KLHL1: variants seen among roughly 807,000 people sequenced by gnomAD.
KLHL1 encodes kelch-like protein 1.
A neutral mutation model predicts 77.7 loss-of-function variants in KLHL1; 47 were observed. That is an observed-to-expected ratio of 0.60 (90% CI 0.48 to 0.77). The LOEUF is 0.77. KLHL1 is among the 30% of genes least tolerant of loss of function. The pLI is 0.00. For synonymous variants in KLHL1, 360 were observed against 325.2 expected, an observed-to-expected ratio of 1.11 and a Z score of -1.15; for missense variants, 925 against 910.8, an observed-to-expected ratio of 1.02 and a Z score of -0.20.
intron 1 of KLHL1, among the ~76,000 whole-genome samples, chr13:70,106,681 C>G (rs1342531366): frequency 6.6e-6 from 1 of 152,128 alleles, no homozygotes; most frequent in East Asian, 1.9e-4. Flanking sequence ...GACTGCATTT[C>G]AGGAGCAAAA....
At chr13:69,943,677 ATAAAGT>A (rs1883433384) in intron 3 of KLHL1, among the ~76,000 whole-genome samples, 1 of 140,544 alleles carries the variant, frequency 7.1e-6, no homozygotes, top group Admixed American at 7.5e-5. Context: ...TGTTATAAAA[ATAAAGT>A]TAAAATAGAG....
chr13:69,748,074 T>C (rs1057021986), intron 7 of KLHL1, among the ~76,000 whole-genome samples: 7 of 152,014 alleles, frequency 4.6e-5, no homozygotes, highest in Non-Finnish European at 1.0e-4. Context: ...GCCTATATTC[T>C]AGAGGAGAAT....
At chr13:69,813,571 A>T (rs1177925829) in intron 6 of KLHL1, among the ~76,000 whole-genome samples, 1 of 152,068 alleles carries the variant, frequency 6.6e-6, no homozygotes, top group African/African-American at 2.4e-5. Context: ...TGCAGAATCA[A>T]TGTACAAGAA....
chr13:69,833,856 T>TAC (rs35739445), intron 6 of KLHL1, among the ~76,000 whole-genome samples: 1,988 of 144,006 alleles, frequency 0.014, 14 homozygotes, highest in Middle Eastern at 0.074. Context: ...CACACATATA[T>TAC]ACACACACAC....
chr13:69,964,100 G>A (rs9572318), intron 2 of KLHL1, among the ~76,000 whole-genome samples: 93,803 of 151,846 alleles, frequency 0.62, 29,050 homozygotes, highest in South Asian at 0.65. Context: ...CTGGAGTCCA[G>A]TGGCACAATC....
intron 4 of KLHL1, among the ~76,000 whole-genome samples, chr13:69,929,434 T>C (rs1371058911): frequency 6.6e-6 from 1 of 151,892 alleles, no homozygotes; most frequent in African/African-American, 2.4e-5. Context: ...AGTAAAAACA[T>C]ATTCAGGGTA....
chr13:69,999,397 G>T (rs560205905), intron 1 of KLHL1, among the ~76,000 whole-genome samples: 1 of 151,970 alleles, frequency 6.6e-6, no homozygotes. Flanking sequence ...TTATGCATGG[G>T]CCTGGCATCA....
chr13:69,736,455 G>A (rs1041131108), intron 8 of KLHL1, among the ~76,000 whole-genome samples: 2 of 152,086 alleles, frequency 1.3e-5, no homozygotes, highest in Non-Finnish European at 2.9e-5. Context: ...ATGTAAACTA[G>A]TACAACTTCT....
intron 7 of KLHL1, among the ~76,000 whole-genome samples, chr13:69,744,967 C>G (rs1874143906): frequency 6.6e-6 from 1 of 151,786 alleles, no homozygotes; most frequent in African/African-American, 2.4e-5. Context: ...GTTCATTTTA[C>G]CCAGATGTAA....
chr13:69,959,293 T>A (rs926527710), intron 3 of KLHL1, among the ~76,000 whole-genome samples: 4 of 151,976 alleles, frequency 2.6e-5, no homozygotes, highest in Non-Finnish European at 5.9e-5. Flanking sequence ...CCTGGAAGTG[T>A]TAGGTTGTTA....
rs137877987 is a variant in KLHL1, at chr13:69,844,505, G to A, written c.1228-5343C>T. Among the ~76,000 whole-genome samples the A allele has an allele frequency of 8.9e-4, 134 of 151,374 alleles. 2 individuals carry two copies. Among genetic ancestry groups the A allele is most frequent in the African/African-American group, 3.1e-3 (129 of 41,384 alleles). Reference sequence around the variant, plus strand: ...ACACCATAGCTTGTGTTTGCATTTCGTCTCTGACAACTCTAATGACTTCAT... The same window carrying A: ...ACACCATAGCTTGTGTTTGCATTTCATCTCTGACAACTCTAATGACTTCAT... On this transcript the variant is annotated intron_variant, in intron 5 of 10. Transcript: ENST00000377844.
intron 3 of KLHL1, among the ~76,000 whole-genome samples, chr13:69,946,382 A>T (rs1363654313): frequency 1.3e-5 from 2 of 152,234 alleles, no homozygotes; most frequent in African/African-American, 4.8e-5. Context: ...TTTTCAAAAT[A>T]TATTTAATAA....
In KLHL1 at chr13:69,740,692, T is replaced by C. The variant is rs142755438; in HGVS notation, c.1640-136A>G. 323 of 538,866 alleles carry C rather than the reference T, an allele frequency of 6.0e-4. 1 individual carries two copies. Among genetic ancestry groups the C allele is most frequent in the African/African-American group, 5.3e-3 (284 of 53,252 alleles). 33.4% of individuals were successfully genotyped at this position (538,866 alleles called of 1,614,324 possible). ...GAAAAAAAATTAAAAATTGAATAGA[T>C]TTATTTCACAGTGAGATTTTAAAAA... On this transcript the variant is annotated intron_variant, in intron 7 of 10. Coordinates refer to ENST00000377844, the MANE Select transcript of KLHL1 (RefSeq NM_020866.3).
At chr13:69,932,554 A>G (rs916590708) in intron 4 of KLHL1, among the ~76,000 whole-genome samples, 2 of 151,916 alleles carry the variant, frequency 1.3e-5, no homozygotes, top group Non-Finnish European at 2.9e-5. Flanking sequence ...AGGATATTTT[A>G]AAATGTTTAG....
chr13:69,719,248 A>G, intron 9 of KLHL1, 121 bp downstream of exon 9: 1 of 710,708 alleles, frequency 1.4e-6, no homozygotes, highest in Middle Eastern at 3.4e-4. Flanking sequence ...GGAGTTAAAA[A>G]TGTATCTCTA....
intron 6 of KLHL1, among the ~76,000 whole-genome samples, chr13:69,833,786 T>C (rs56327819): frequency 0.044 from 6,637 of 149,226 alleles, 204 homozygotes; most frequent in African/African-American, 0.077. Flanking sequence ...CATACATATA[T>C]ACTTGTTGTG....
Position 69,971,445 on chromosome 13 carries a change from T to C in KLHL1, c.680+4175A>G, listed in dbSNP as rs117794642. Among the ~76,000 whole-genome samples, 337 of 152,142 alleles carry C rather than the reference T, an allele frequency of 2.2e-3. 1 individual carries two copies. Among genetic ancestry groups the C allele is most frequent in the Non-Finnish European group, 3.4e-3 (234 of 67,936 alleles). ...GTCTATCATAATCATCTTTGTCCTATTTTTATGGTTTAATTTCCCAGTTAT... is the reference window on the plus strand; with the variant it reads ...GTCTATCATAATCATCTTTGTCCTACTTTTATGGTTTAATTTCCCAGTTAT... On this transcript the variant is annotated intron_variant, in intron 2 of 10. Coordinates refer to ENST00000377844, the MANE Select transcript of KLHL1 (RefSeq NM_020866.3).
intron 4 of KLHL1, among the ~76,000 whole-genome samples, chr13:69,892,532 A>G (rs190892485): frequency 8.1e-4 from 123 of 152,272 alleles, no homozygotes; most frequent in African/African-American, 2.7e-3. Context: ...GTAAGAAGGT[A>G]TGTATATTGT....
intron 4 of KLHL1, among the ~76,000 whole-genome samples, chr13:69,930,261 A>C (rs1004137843): frequency 2.0e-5 from 3 of 151,892 alleles, no homozygotes; most frequent in Admixed American, 1.3e-4. Flanking sequence ...AAGAAAGTGC[A>C]TCCATTTACT....
Sources: gnomAD v4.1 joint callset for allele counts (sites outside exome capture counted in the v4.1 genomes callset) on GRCh38, gnomAD v4.1.1 for gene constraint, MANE v1.5 for transcripts, NCBI Gene and HGNC (gene_info 2026-07-23, HGNC 2026-07-21) for gene names.